Variants in ZNF263 observed in about 807,000 individuals in gnomAD.
ZNF263 encodes zinc finger protein 263, also known as zinc finger protein FPM315.
Under a neutral mutation model 63.1 loss-of-function variants are expected in ZNF263, and 49 were observed. The ratio of observed to expected loss-of-function variants is 0.78; its 90% CI spans 0.62 to 0.99. The LOEUF (loss-of-function observed/expected upper bound fraction) is 0.99, where lower values mean the gene tolerates loss of function less well. Ranked by LOEUF, ZNF263 falls within the 50% of genes least tolerant of loss-of-function variation. ZNF263 has a pLI of 0.00. For missense variants in ZNF263, 872 were observed against 854.8 expected, an observed-to-expected ratio of 1.02 and a Z score of -0.25; for synonymous variants, 352 against 324.2, an observed-to-expected ratio of 1.09 and a Z score of -0.92.
At chr16:3,286,463 G>A (rs1356551345) in intron 4 of ZNF263, 2 of 204,452 alleles carry the variant, frequency 9.8e-6, no homozygotes, top group Non-Finnish European at 1.9e-5. Context: ...CCAGGATGCT[G>A]GGGGGCTCTA....
intron 2 of ZNF263, chr16:3,299,302 C>T: frequency 6.2e-7 from 1 of 1,608,816 alleles, no homozygotes; most frequent in South Asian, 1.1e-5. Flanking sequence ...TAACCACACC[C>T]TATCATCATC....
At chr16:3,297,557 C>A (rs947313323) in intron 1 of ZNF263, among the ~76,000 whole-genome samples, 9 of 149,750 alleles carry the variant, frequency 6.0e-5, no homozygotes, top group African/African-American at 2.2e-4. Context: ...CTCCGCCTCC[C>A]AGGTTCACGC....
rs371518456 is a variant in ZNF263 at position 3,299,888 on chromosome 16, T to G, written c.*46+732T>G. ...GGTTTATATATCACAGGCAATGTAC[T>G]TGTGTCCTCTTTCACACTTTTGGGC... On this transcript the variant is annotated intron_variant, in intron 2 of 2. Transcript: ENST00000574674. 3.7e-6 allele frequency: 6 copies of G among 1,607,256 alleles called. No individual in the cohort carries two copies. The African/African-American group carries it at 6.7e-5, about 18-fold the overall frequency.
chr16:3,288,044 G>A (rs555795458), intron 4 of ZNF263, among the ~76,000 whole-genome samples: 1 of 152,086 alleles, frequency 6.6e-6, no homozygotes, highest in South Asian at 2.1e-4. Context: ...TTGAAGTCAG[G>A]AGTTCGAGAC....
downstream of ZNF263, among the ~76,000 whole-genome samples, chr16:3,292,118 G>C (rs1390664379): frequency 1.3e-5 from 2 of 152,110 alleles, no homozygotes; most frequent in Non-Finnish European, 2.9e-5. Context: ...GGAAACGGGG[G>C]AGTATTCTAA....
In ZNF263 at chr16:3,284,347, C is replaced by T. The variant is rs1363363479; in HGVS notation, c.387+142C>T. The stretch of plus-strand genomic sequence containing the variant: ...GACTTGTGATTTAACCTGGAACACT[C>T]ATCCTCCAGATTTTCCCCCAAATGA... On this transcript the variant is annotated intron_variant, in intron 1 of 5. Coordinates refer to ENST00000219069, the MANE Select transcript of ZNF263 (RefSeq NM_005741.5). 5.3e-6 allele frequency: 7 copies of T among 1,326,422 alleles called. No homozygotes were observed. In the African/African-American group the frequency reaches 8.9e-5, roughly 17 times the overall value. The allele number at this position is 1,326,422 out of a possible 1,614,324, so 82.2% of individuals were successfully genotyped here.
At chr16:3,296,902 G>C (rs1320627000) in intron 1 of ZNF263, among the ~76,000 whole-genome samples, 1 of 152,210 alleles carries the variant, frequency 6.6e-6, no homozygotes, top group Non-Finnish European at 1.5e-5. Flanking sequence ...ATTCGCAGAG[G>C]GAGTTGGTGT....
In ZNF263 at chr16:3,284,303, G is replaced by C. The variant is rs541965218; in HGVS notation, c.387+98G>C. ...GAATTCAAGTAAATTGCCCTGAGTA[G>C]ACCTTACGTGGGGAAGAGGACTTGT... is the stretch of plus-strand genomic sequence containing the variant. On this transcript the variant is annotated intron_variant, in intron 1 of 5. Transcript: ENST00000219069. 2.7e-4 allele frequency: 384 copies of C among 1,415,486 alleles called. 4 individuals carry two copies. In the South Asian group the frequency reaches 4.3e-3, roughly 16 times the overall value. The allele number at this position is 1,415,486 out of a possible 1,614,324, so 87.7% of individuals were successfully genotyped here. A position where few individuals can be genotyped will look rare whatever the true frequency, so the allele number is the denominator to read the frequency against.
Position 3,290,415 on chromosome 16 carries a change from G to A in ZNF263, c.1909G>A (p.Gly637Arg), listed in dbSNP as rs757689322. Reference protein sequence around the residue: ...GEKPYTCHECGDSFSHSSNRI... With the variant: ...GEKPYTCHECRDSFSHSSNRI... ...AAAACCCTATACCTGTCATGAGTGC[G>A]GAGACAGCTTCTCTCACAGCTCCAA... Residue 637 changes from glycine (G) to arginine (R), a missense_variant, in exon 6 of 6, where the codon GGA becomes AGA. Coordinates refer to ENST00000219069, the MANE Select transcript of ZNF263 (RefSeq NM_005741.5). 6 of 1,614,008 alleles carry A rather than the reference G, an allele frequency of 3.7e-6. No homozygotes were observed. Among genetic ancestry groups the A allele is most frequent in the East Asian group, 4.5e-5 (2 of 44,902 alleles).
intron 1 of ZNF263, among the ~76,000 whole-genome samples, chr16:3,297,531 C>A (rs563425349): frequency 2.1e-4 from 27 of 126,372 alleles, no homozygotes; most frequent in Admixed American, 4.1e-4. Flanking sequence ...GTGGCGCGAT[C>A]TCGGCTCACT....
chr16:3,286,206 C>T lies in ZNF263; in HGVS notation c.769+57C>T, dbSNP rs140242846. The T allele has an allele frequency of 5.8e-5, 88 of 1,525,932 alleles. No homozygotes were observed. In the African/African-American group the frequency reaches 1.1e-3, roughly 20 times the overall value. The allele number at this position is 1,525,932 out of a possible 1,614,324, so 94.5% of individuals were successfully genotyped here. A position where few individuals can be genotyped will look rare whatever the true frequency, so the allele number is the denominator to read the frequency against. ...CGCCATTTCTGACCAGGGTCCTGCC[C>T]GTTATTCATTCACCTCCTGGACACA... On this transcript the variant is annotated intron_variant, in intron 4 of 5. Coordinates refer to ENST00000219069, the MANE Select transcript of ZNF263 (RefSeq NM_005741.5).
Position 3,290,981 on chromosome 16 carries a change from G to T in ZNF263, c.*423G>T, listed in dbSNP as rs1959593059. The stretch of plus-strand genomic sequence containing the variant: ...GGCTTCCGGGGCCCCTGAGACCAAA[G>T]AAGAGGGGCCAAGTACCCTGGGAAA... On this transcript the variant is annotated 3_prime_UTR_variant, in exon 6 of 6. Coordinates refer to ENST00000219069, the MANE Select transcript of ZNF263 (RefSeq NM_005741.5). 2.0e-6 allele frequency: 2 copies of T among 1,000,000 alleles called. No individual in the cohort carries two copies. Among genetic ancestry groups the T allele is most frequent in the Middle Eastern group, 5.1e-4 (1 of 1,962 alleles). The allele number at this position is 1,000,000 out of a possible 1,614,324, so 61.9% of individuals were successfully genotyped here. A position where few individuals can be genotyped will look rare whatever the true frequency, so the allele number is the denominator to read the frequency against.
intron 2 of ZNF263, chr16:3,299,973 T>C (rs201833161): frequency 8.1e-5 from 131 of 1,614,110 alleles, no homozygotes; most frequent in Admixed American, 4.2e-4. Context: ...CATTTGCACA[T>C]AAAAAGGCAG....
Position 3,286,012 on chromosome 16 carries a change from T to C in ZNF263, c.643-11T>C. ...GCATCAGGGGCTAAAGGAGATCTTG[T>C]GCTGTTTCAGTTGCCTGAGAGCTTA... On this transcript the variant is annotated splice_polypyrimidine_tract_variant and intron_variant, in intron 3 of 5. Coordinates refer to ENST00000219069, the MANE Select transcript of ZNF263 (RefSeq NM_005741.5). The C allele has an allele frequency of 6.2e-7, 1 of 1,614,070 alleles. No homozygotes were observed. Among genetic ancestry groups the C allele is most frequent in the Non-Finnish European group, 8.5e-7 (1 of 1,179,978 alleles).
downstream of ZNF263, among the ~76,000 whole-genome samples, chr16:3,295,265 C>T (rs1432864390): frequency 6.6e-6 from 1 of 152,186 alleles, no homozygotes; most frequent in Admixed American, 6.5e-5. Flanking sequence ...AAGCGAAGGC[C>T]GCCCTGCGCC....
In ZNF263 at chr16:3,300,028, T is replaced by C. The variant is rs571664375; in HGVS notation, c.*46+872T>C. ...TTTCTTCCCTGGTAGGCAGATATCT[T>C]TCCTACTTGCCTGAGAATTTTCTGG... is the stretch of plus-strand genomic sequence containing the variant. On this transcript the variant is annotated intron_variant, in intron 2 of 2. Coordinates refer to the ZNF263 transcript ENST00000574674. 497 of 1,614,206 alleles carry C rather than the reference T, an allele frequency of 3.1e-4. 3 individuals are homozygous for C. The South Asian group carries it at 5.1e-3, about 17-fold the overall frequency.
At position 3,291,450 on chromosome 16, in the gene ZNF263, G is replaced by A. The variant is rs1449363652; in HGVS notation, c.*892G>A. The A allele has an allele frequency of 3.0e-6, 3 of 985,358 alleles. No individual in the cohort carries two copies. Among genetic ancestry groups the A allele is most frequent in the African/African-American group, 1.7e-5 (1 of 57,246 alleles). 61.0% of individuals were successfully genotyped at this position (985,358 alleles called of 1,614,324 possible). ...GTTTGGATGGGAATAAATATCTTCA[G>A]GAAACATAAATGTCTGTGAGTCTTC... On this transcript the variant is annotated 3_prime_UTR_variant, in exon 6 of 6. Transcript: ENST00000219069.
Position 3,290,592 on chromosome 16 carries a change from T to TG in ZNF263, c.*36dup. ...GGGTTTCTCTTTGCCCCAGGTGAGGTGGCATATTCAGAGGAGCCTGTTGGC... is the reference window on the plus strand; with the variant it reads ...GGGTTTCTCTTTGCCCCAGGTGAGGTGGGCATATTCAGAGGAGCCTGTTGGC... On this transcript the variant is annotated 3_prime_UTR_variant, in exon 6 of 6. Coordinates refer to ENST00000219069, the MANE Select transcript of ZNF263 (RefSeq NM_005741.5). 6.4e-7 allele frequency: 1 copy of TG among 1,563,992 alleles called. No individual in the cohort carries two copies. Among genetic ancestry groups the TG allele is most frequent in the Non-Finnish European group, 8.6e-7 (1 of 1,157,998 alleles).
At chr16:3,284,249 C>T in intron 1 of ZNF263, 44 bp downstream of exon 1, 1 of 1,484,836 alleles carries the variant, frequency 6.7e-7, no homozygotes, top group Non-Finnish European at 9.0e-7. Flanking sequence ...TTGTTTAGCC[C>T]TGAGCACTGG....
Sources: gnomAD v4.1 joint callset for allele counts (sites outside exome capture counted in the v4.1 genomes callset) on GRCh38, gnomAD v4.1.1 for gene constraint, MANE v1.5 for transcripts, NCBI Gene and HGNC (gene_info 2026-07-23, HGNC 2026-07-21) for gene names.